TTC14: variants seen among roughly 807,000 people sequenced by gnomAD.
TTC14 encodes the protein tetratricopeptide repeat domain 14.
TTC14 carries 63 observed loss-of-function variants against 79.9 expected under a neutral mutation model. The observed-to-expected ratio is 0.79, with a 90% confidence interval of 0.64 to 0.97. The LOEUF (loss-of-function observed/expected upper bound fraction) is 0.97, where lower values mean the gene tolerates loss of function less well. TTC14 is among the 50% of genes least tolerant of loss of function. The pLI is 0.00. For synonymous variants in TTC14, 335 were observed against 309.6 expected (o/e 1.08, Z -0.86); for missense variants, 895 against 894.0 (o/e 1.00, Z -0.01).
Position 180,609,906 on chromosome 3 carries a change from G to T in TTC14, c.1677G>T (p.Gly559=). The change falls in exon 12 of 12, where the codon GGG becomes GGT. Residue 559 remains glycine (G), a synonymous_variant. Coordinates refer to ENST00000296015, the MANE Select transcript of TTC14 (RefSeq NM_133462.4). The stretch of plus-strand genomic sequence containing the variant: ...AACAAGAAGTGGAGAAACTACTGGG[G>T]AAGCAGGATAGGTTACAGTATGAAA... ...NHKQEVEKLL[G]KQDRLQYEKT... The T allele has an allele frequency of 3.1e-6, 5 of 1,613,964 alleles. No individual in the cohort carries two copies. The highest frequency in any genetic ancestry group is 4.2e-6 in the Non-Finnish European group (5 of 1,179,926).
downstream of TTC14, chr3:180,614,752 A>G: frequency 1.8e-6 from 1 of 564,526 alleles, no homozygotes; most frequent in Non-Finnish European, 3.0e-6. Context: ...CAGTATGAAG[A>G]AAACAGTAGA....
intron 12 of TTC14, chr3:180,616,285 C>A: frequency 1.2e-6 from 2 of 1,613,026 alleles, no homozygotes; most frequent in African/African-American, 1.3e-5. Flanking sequence ...GCTTACCTTG[C>A]TGATAGTGAA....
At position 180,604,217 on chromosome 3, in the gene TTC14, C is replaced by T. The variant is rs747676159; in HGVS notation, c.487-8C>T. 6.2e-7 allele frequency: 1 copy of T among 1,609,654 alleles called. No homozygotes were observed. The highest frequency in any genetic ancestry group is 1.7e-5 in the Admixed American group (1 of 59,686). On this transcript the variant is annotated splice_polypyrimidine_tract_variant and splice_region_variant and intron_variant, in intron 3 of 11. Coordinates refer to ENST00000296015, the MANE Select transcript of TTC14 (RefSeq NM_133462.4). ...ATGTCTGGTGTTTTAAAATACTTCT[C>T]ATTACAGGCTCTTTGTCCCTTAAGA...
At chr3:180,611,611 T>TAAAG (rs1056065866), downstream of TTC14, among the ~76,000 whole-genome samples, 13 of 152,344 alleles carry the variant, frequency 8.5e-5, no homozygotes, top group East Asian at 7.7e-4. Flanking sequence ...ACTTGGATTA[T>TAAAG]AAAGATCCTC....
At chr3:180,617,466 A>C in exon 13 of TTC14, 1 of 688,730 alleles carries the variant, frequency 1.5e-6, no homozygotes, top group South Asian at 1.6e-5. Flanking sequence ...CATTGTTATC[A>C]TAGATGACAG....
downstream of TTC14, among the ~76,000 whole-genome samples, chr3:180,612,265 T>G (rs1717021242): frequency 6.6e-6 from 1 of 152,200 alleles, no homozygotes; most frequent in South Asian, 2.1e-4. Context: ...AAAAAATTTT[T>G]TTTTCCTTAA....
chr3:180,608,564 A>G, intron 10 of TTC14, 137 bp from the exon 11 acceptor site: 2 of 1,275,502 alleles, frequency 1.6e-6, no homozygotes, highest in African/African-American at 1.6e-5. Flanking sequence ...TTAAAAAAAT[A>G]CTGTTTAATG....
chr3:180,609,051 TTTAA>T, intron 11 of TTC14: 1 of 970,806 alleles, frequency 1.0e-6, no homozygotes, highest in African/African-American at 1.7e-5. Flanking sequence ...AATAAGTTAC[TTTAA>T]TTATGTTTTA....
chr3:180,606,146 A>G, intron 7 of TTC14, 107 bp from the exon 8 acceptor site: 4 of 1,488,358 alleles, frequency 2.7e-6, no homozygotes, highest in Middle Eastern at 1.8e-4. Context: ...TGAAAACTAA[A>G]TATTTTGCCA....
chr3:180,606,766 A>G (rs1716719991), intron 9 of TTC14, among the ~76,000 whole-genome samples, 163 bp downstream of exon 9: 1 of 152,212 alleles, frequency 6.6e-6, no homozygotes, highest in African/African-American at 2.4e-5. Context: ...CTCTTTTCCT[A>G]GATAATATAC....
intron 3 of TTC14, chr3:180,603,756 A>G (rs1716518139): frequency 4.4e-6 from 1 of 227,600 alleles, no homozygotes; most frequent in African/African-American, 2.4e-5. Flanking sequence ...ATATTAAGAT[A>G]CTTTGCCCAA....
In TTC14 at chr3:180,609,965, T is replaced by A; in HGVS notation, c.1736T>A (p.Leu579His). Residue 579 changes from leucine to histidine, a missense_variant, in exon 12 of 12, where the codon CTC becomes CAC. Physicochemically the swap from Leu to His is moderately conservative, Grantham distance 99. Transcript: ENST00000296015. ...ATAAAAGAGAAAGATAGATGCCCTCTCTCTTCATCTTCACTTGAAATACCG... is the reference window on the plus strand; with the variant it reads ...ATAAAAGAGAAAGATAGATGCCCTCACTCTTCATCTTCACTTGAAATACCG... ...TQIKEKDRCP[L>H]SSSSLEIPDD... 1 of 1,614,046 alleles carries A rather than the reference T, an allele frequency of 6.2e-7. No homozygotes were observed. The highest frequency in any genetic ancestry group is 1.7e-5 in the Admixed American group (1 of 60,008).
At position 180,610,561 on chromosome 3, in the gene TTC14, A is replaced by G. The variant is rs770990926; in HGVS notation, c.*19A>G. The stretch of plus-strand genomic sequence containing the variant: ...AAATTAATACACCAAGGATATCGGC[A>G]CCATTACACAAAATGCCATTAAGTG... On this transcript the variant is annotated 3_prime_UTR_variant, in exon 12 of 12. Coordinates refer to ENST00000296015, the MANE Select transcript of TTC14 (RefSeq NM_133462.4). The G allele has an allele frequency of 1.5e-5, 23 of 1,533,672 alleles. No homozygotes were observed. The highest frequency in any genetic ancestry group is 1.8e-5 in the Non-Finnish European group (21 of 1,148,460).
At chr3:180,604,382 C>T in intron 4 of TTC14, 73 bp downstream of exon 4, 1 of 1,557,690 alleles carries the variant, frequency 6.4e-7, no homozygotes, top group Non-Finnish European at 8.8e-7. Context: ...TAAAAAAATA[C>T]AGTCTAAGAG....
intron 2 of TTC14, 52 bp downstream of exon 2, chr3:180,603,067 C>T (rs918249736): frequency 4.3e-6 from 7 of 1,610,586 alleles, no homozygotes; most frequent in Non-Finnish European, 5.9e-6. Context: ...AACAGTACTT[C>T]AGGTGAAACG....
At chr3:180,613,379 A>G (rs1031488461), downstream of TTC14, among the ~76,000 whole-genome samples, 3 of 152,154 alleles carry the variant, frequency 2.0e-5, no homozygotes, top group Non-Finnish European at 2.9e-5. Flanking sequence ...ACTACACTGA[A>G]GTTGTTAGAA....
intron 3 of TTC14, chr3:180,603,565 A>G: frequency 2.0e-6 from 1 of 488,944 alleles, no homozygotes; most frequent in South Asian, 2.1e-5. Context: ...TCTTTTCTAA[A>G]TGCTCAAAGA....
Position 180,609,687 on chromosome 3 carries a change from A to G in TTC14, c.1458A>G (p.Glu486=), listed in dbSNP as rs2108397687. 1.2e-6 allele frequency: 2 copies of G among 1,600,142 alleles called. No homozygotes were observed. Among genetic ancestry groups the G allele is most frequent in the Non-Finnish European group, 1.7e-6 (2 of 1,176,610 alleles). The change falls in exon 12 of 12, where the codon GAA becomes GAG. Residue 486 remains glutamate (E), a synonymous_variant. Transcript: ENST00000296015. ...CTTCAAGTGTTTCTTCTGCTGATGAATCAGTGTCTTCATCATCATCCTCTT... is the reference window on the plus strand; with the variant it reads ...CTTCAAGTGTTTCTTCTGCTGATGAGTCAGTGTCTTCATCATCATCCTCTT... The part of the protein sequence containing the change: ...TSSSSVSSAD[E]SVSSSSSSSS...
At chr3:180,612,739 C>T (rs191893055), downstream of TTC14, among the ~76,000 whole-genome samples, 2 of 152,226 alleles carry the variant, frequency 1.3e-5, no homozygotes, top group Non-Finnish European at 2.9e-5. Context: ...GTGTCTTAAA[C>T]ACAACAAAAA....
Sources: allele counts gnomAD v4.1 joint callset (sites outside exome capture counted in the v4.1 genomes callset), GRCh38; gene constraint gnomAD v4.1.1; transcripts MANE v1.5; gene names NCBI Gene and HGNC (gene_info 2026-07-23, HGNC 2026-07-21).